Variants in ERICH3 observed in about 807,000 individuals in gnomAD.
ERICH3 encodes the protein glutamate rich 3.
Under a neutral mutation model 131.1 loss-of-function variants are expected in ERICH3, and 126 were observed. That is an observed-to-expected ratio of 0.96 (90% CI 0.83 to 1.11). The LOEUF (loss-of-function observed/expected upper bound fraction) is 1.11, where lower values mean the gene tolerates loss of function less well. Among genes scored for constraint, ERICH3 ranks in the 50% most tolerant of loss-of-function variants. The probability of loss-of-function intolerance (pLI) is 0.00; values close to 1 mark genes in which losing one functional copy is unlikely to be tolerated. For missense variants in ERICH3, 2,050 were observed against 1,810.7 expected (o/e 1.13, Z -2.40); for synonymous variants, 695 against 644.6 (o/e 1.08, Z -1.18).
At chr1:74,632,978 T>C (rs1188000486) in intron 6 of ERICH3, among the ~76,000 whole-genome samples, 1 of 151,904 alleles carries the variant, frequency 6.6e-6, no homozygotes, top group East Asian at 1.9e-4. Flanking sequence ...GTATCTGAGG[T>C]AGTTTCCCAA....
At chr1:74,588,121 C>T (rs548653018) in intron 12 of ERICH3, among the ~76,000 whole-genome samples, 1 of 152,306 alleles carries the variant, frequency 6.6e-6, no homozygotes, top group East Asian at 1.9e-4. Flanking sequence ...GTAACTTATT[C>T]AAAGGTCATA....
intron 12 of ERICH3, among the ~76,000 whole-genome samples, chr1:74,583,351 A>G (rs942684769): frequency 5.9e-5 from 9 of 152,166 alleles, no homozygotes; most frequent in African/African-American, 1.9e-4. Context: ...GCTTTTTCCT[A>G]TACATGCCTC....
chr1:74,652,752 T>C lies in ERICH3; in HGVS notation c.24-3437A>G, dbSNP rs983522661. Among the ~76,000 whole-genome samples the C allele has an allele frequency of 2.0e-4, 30 of 152,240 alleles. No individual in the cohort carries two copies. The East Asian group carries it at 5.6e-3, about 29-fold the overall frequency. On this transcript the variant is annotated intron_variant, in intron 1 of 14. Coordinates refer to ENST00000326665, the MANE Select transcript of ERICH3 (RefSeq NM_001002912.5). ...GTTGGTCACAGCAAGCACCAGGGCA[T>C]TGTGACCATATTACTCGCAGGCTAT...
At position 74,646,666 on chromosome 1, in the gene ERICH3, C is replaced by T; in HGVS notation, c.243+1G>A. 7.7e-7 allele frequency: 1 copy of T among 1,298,436 alleles called. No homozygotes were observed. The highest frequency in any genetic ancestry group is 1.5e-5 in the African/African-American group (1 of 65,612). The allele number at this position is 1,298,436 out of a possible 1,614,324, so 80.4% of individuals were successfully genotyped here. A position where few individuals can be genotyped will look rare whatever the true frequency, so the allele number is the denominator to read the frequency against. ...AATAAAAAATAAGTATATATTTTTACCTCCATATCAAGAACTTTATGAAAA... is the reference window on the plus strand; with the variant it reads ...AATAAAAAATAAGTATATATTTTTATCTCCATATCAAGAACTTTATGAAAA... On this transcript the variant is annotated splice_donor_variant, in intron 3 of 14. Transcript: ENST00000326665. LOFTEE classifies it high-confidence loss of function.
chr1:74,633,498 C>T (rs2100625725), intron 6 of ERICH3, among the ~76,000 whole-genome samples: 1 of 152,022 alleles, frequency 6.6e-6, no homozygotes, highest in South Asian at 2.1e-4. Context: ...AGGCATCAAT[C>T]AATTACATGC....
At chr1:74,668,035 C>T (rs1646708008) in intron 1 of ERICH3, among the ~76,000 whole-genome samples, 2 of 152,170 alleles carry the variant, frequency 1.3e-5, no homozygotes, top group Non-Finnish European at 2.9e-5. Context: ...TTCCCCTTCA[C>T]CTTCCACCAT....
intron 10 of ERICH3, among the ~76,000 whole-genome samples, chr1:74,604,158 T>C (rs909874401): frequency 5.9e-5 from 9 of 151,906 alleles, no homozygotes; most frequent in Non-Finnish European, 8.8e-5. Flanking sequence ...CAAGAGTAGA[T>C]TTCATCTCAG....
At chr1:74,659,024 C>T (rs76872755) in intron 1 of ERICH3, among the ~76,000 whole-genome samples, 7,289 of 152,158 alleles carry the variant, frequency 0.048, 589 homozygotes, top group African/African-American at 0.17. Context: ...TGCCTGTGCT[C>T]TGAAAGGAAA....
At position 74,614,650 on chromosome 1, in the gene ERICH3, C is replaced by A. The variant is rs1275115878; in HGVS notation, c.1001-1841G>T. On this transcript the variant is annotated intron_variant, in intron 8 of 14. Transcript: ENST00000326665. Reference sequence around the variant, plus strand: ...CGAGATCACGCCACTGAACTCCAGCCTGGGAGTGAGAGTGAGACTCCGTCT... The same window carrying A: ...CGAGATCACGCCACTGAACTCCAGCATGGGAGTGAGAGTGAGACTCCGTCT... 2.0e-5 allele frequency among the ~76,000 whole-genome samples: 3 copies of A among 149,888 alleles called. No homozygotes were observed. In the East Asian group the frequency reaches 6.0e-4, roughly 30 times the overall value.
chr1:74,596,446 T>G (rs745489587), intron 11 of ERICH3, among the ~76,000 whole-genome samples: 1 of 152,098 alleles, frequency 6.6e-6, no homozygotes, highest in African/African-American at 2.4e-5. Context: ...TACATATGCA[T>G]CACTTTAAGC....
intron 4 of ERICH3, among the ~76,000 whole-genome samples, chr1:74,642,500 C>A (rs540855988): frequency 6.6e-6 from 1 of 152,086 alleles, no homozygotes; most frequent in Non-Finnish European, 1.5e-5. Context: ...GAGTTCACTG[C>A]AAAGAAGATA....
rs1298121494 is a variant in ERICH3, at chr1:74,663,744, T to TA, written c.23+9752dup. 2.1e-5 allele frequency among the ~76,000 whole-genome samples: 3 copies of TA among 144,292 alleles called. No homozygotes were observed. In the East Asian group the frequency reaches 6.0e-4, roughly 29 times the overall value. 94.7% of individuals were successfully genotyped at this position (144,292 alleles called of 152,430 possible). On this transcript the variant is annotated intron_variant, in intron 1 of 14. Transcript: ENST00000326665. ...GTCATCTTGCTAACACAGAAAAAAATAAAAAAATGTTGCCCCAAGTCCTGA... is the reference window on the plus strand; with the variant it reads ...GTCATCTTGCTAACACAGAAAAAAATAAAAAAAATGTTGCCCCAAGTCCTGA...
chr1:74,641,892 A>G (rs1003413226), intron 4 of ERICH3, among the ~76,000 whole-genome samples: 7 of 152,170 alleles, frequency 4.6e-5, no homozygotes, highest in African/African-American at 1.7e-4. Context: ...TGTTCAAATA[A>G]AAATCATATG....
At chr1:74,668,417 A>C (rs1248405972) in intron 1 of ERICH3, among the ~76,000 whole-genome samples, 1 of 152,336 alleles carries the variant, frequency 6.6e-6, no homozygotes, top group African/African-American at 2.4e-5. Flanking sequence ...ACAACAAATG[A>C]CTTTCATGAC....
intron 12 of ERICH3, among the ~76,000 whole-genome samples, chr1:74,580,630 C>T (rs2100543999): frequency 6.6e-6 from 1 of 152,248 alleles, no homozygotes; most frequent in African/African-American, 2.4e-5. Flanking sequence ...AAAGTGGTGG[C>T]AAGGATAGAG....
intron 1 of ERICH3, among the ~76,000 whole-genome samples, chr1:74,670,198 C>T (rs528181132): frequency 7.9e-5 from 12 of 152,038 alleles, no homozygotes; most frequent in South Asian, 2.1e-4. Flanking sequence ...CACACTATTA[C>T]GAAATTAGCC....
At chr1:74,625,571 A>G (rs960945130) in intron 7 of ERICH3, 3 of 152,152 alleles carry the variant, frequency 2.0e-5, no homozygotes, top group Non-Finnish European at 4.4e-5. Context: ...TATCACAATT[A>G]TAGTACTCAT....
In ERICH3 at chr1:74,573,348, T is replaced by C. The variant is rs199734400; in HGVS notation, c.2362A>G (p.Ile788Val). 187 of 1,611,772 alleles carry C rather than the reference T, an allele frequency of 1.2e-4. No homozygotes were observed. In the East Asian group the frequency reaches 2.5e-3, roughly 22 times the overall value. The part of the protein sequence containing the change: ...DEAPQHRDAD[I>V]VQGKGEAALW... ...GCTGCCTCCCCTTTTCCCTGTACTA[T>C]GTCAGCATCTCTGTGCTGGGGCGCT... Residue 788 changes from isoleucine (I) to valine (V), a missense_variant, in exon 14 of 15, where the codon ATA becomes GTA. Physicochemically the swap from Ile to Val is conservative, Grantham distance 29. Coordinates refer to ENST00000326665, the MANE Select transcript of ERICH3 (RefSeq NM_001002912.5).
chr1:74,662,978 A>T (rs1203631105), intron 1 of ERICH3, among the ~76,000 whole-genome samples: 1 of 152,154 alleles, frequency 6.6e-6, no homozygotes, highest in Non-Finnish European at 1.5e-5. Context: ...TGGTGAGATC[A>T]CATCTCTAAA....
Sources: gnomAD v4.1 joint callset for allele counts (sites outside exome capture counted in the v4.1 genomes callset) on GRCh38, gnomAD v4.1.1 for gene constraint, MANE v1.5 for transcripts, NCBI Gene and HGNC (gene_info 2026-07-23, HGNC 2026-07-21) for gene names.